The following ZNF474 variants were observed in gnomAD, a reference collection of about 807,000 sequenced individuals.
ZNF474 encodes 4933409D10Rik.
For synonymous variants in ZNF474, 192 were observed against 162.2 expected (o/e 1.18, Z -1.39); for missense variants, 511 against 433.8 (o/e 1.18, Z -1.58).
At chr5:122,140,174 C>A (rs1755801782) in intron 1 of ZNF474, among the ~76,000 whole-genome samples, 1 of 152,138 alleles carries the variant, frequency 6.6e-6, no homozygotes, top group African/African-American at 2.4e-5. Flanking sequence ...TTAATTCCAA[C>A]CAAAATTCAG....
chr5:122,151,459 T>C (rs1251587849), intron 1 of ZNF474, among the ~76,000 whole-genome samples: 1 of 152,136 alleles, frequency 6.6e-6, no homozygotes, highest in Non-Finnish European at 1.5e-5. Context: ...ACCACCCTGG[T>C]CTCAGCCTCT....
At chr5:122,135,495 A>G (rs1755678758) in intron 1 of ZNF474, among the ~76,000 whole-genome samples, 1 of 152,170 alleles carries the variant, frequency 6.6e-6, no homozygotes. Flanking sequence ...GGCAATATTG[A>G]TTGGTGGCGA....
rs758876572 is a variant in ZNF474, at chr5:122,129,701, C to T, written c.-213+18C>T. The T allele has an allele frequency of 6.6e-6, 1 of 152,252 alleles. No individual in the cohort carries two copies. Among genetic ancestry groups the T allele is most frequent in the Non-Finnish European group, 1.5e-5 (1 of 68,072 alleles). 9.4% of individuals were successfully genotyped at this position (152,252 alleles called of 1,614,324 possible). On this transcript the variant is annotated intron_variant, in intron 1 of 1. Transcript: ENST00000296600. ...ATAAAAAGGTAAAGAACAAATGTCACAAGGTGAGGCTCTCGCAGGGTGTGT... is the reference window on the plus strand; with the variant it reads ...ATAAAAAGGTAAAGAACAAATGTCATAAGGTGAGGCTCTCGCAGGGTGTGT...
chr5:122,138,111 A>T (rs139353503), intron 1 of ZNF474, among the ~76,000 whole-genome samples: 5 of 152,380 alleles, frequency 3.3e-5, no homozygotes, highest in Admixed American at 6.5e-5. Flanking sequence ...GTGAAAAATC[A>T]TGGGAAAGGA....
At chr5:122,130,092 T>C (rs1297705082) in intron 1 of ZNF474, among the ~76,000 whole-genome samples, 1 of 152,160 alleles carries the variant, frequency 6.6e-6, no homozygotes, top group African/African-American at 2.4e-5. Context: ...CAGAACTATA[T>C]GTTTATTAGC....
chr5:122,135,979 G>T (rs1755690752), intron 1 of ZNF474, among the ~76,000 whole-genome samples: 1 of 152,070 alleles, frequency 6.6e-6, no homozygotes, highest in African/African-American at 2.4e-5. Flanking sequence ...AATGATGGTT[G>T]CCAGAGCTGG....
At chr5:122,140,442 C>T (rs1755809308) in intron 1 of ZNF474, among the ~76,000 whole-genome samples, 1 of 152,160 alleles carries the variant, frequency 6.6e-6, no homozygotes, top group Non-Finnish European at 1.5e-5. Flanking sequence ...TTATTTCTTT[C>T]AACCGCATAT....
rs770123908 is a variant in ZNF474, at chr5:122,151,981, A to G, written c.-10A>G. On this transcript the variant is annotated 5_prime_UTR_variant, in exon 2 of 2. Transcript: ENST00000296600. ...ATCAGAGCAAGCACTACAGAAAGAC[A>G]TCTTTGTTAATGGAAAGAGGAAAGA... 1.2e-6 allele frequency: 2 copies of G among 1,604,396 alleles called. No individual in the cohort carries two copies. The highest frequency in any genetic ancestry group is 1.7e-5 in the Admixed American group (1 of 58,238).
At chr5:122,149,895 G>T (rs1756118607) in intron 1 of ZNF474, among the ~76,000 whole-genome samples, 1 of 150,398 alleles carries the variant, frequency 6.6e-6, no homozygotes, top group African/African-American at 2.5e-5. Context: ...CTGTGTGTGT[G>T]TGTGTGTGTG....
intron 1 of ZNF474, among the ~76,000 whole-genome samples, chr5:122,135,585 T>G (rs1284867483): frequency 6.6e-6 from 1 of 152,132 alleles, no homozygotes; most frequent in African/African-American, 2.4e-5. Context: ...GTATGGAAGT[T>G]CCTCACAAAA....
chr5:122,152,429 TC>T lies in ZNF474; in HGVS notation c.441del (p.Tyr148ThrfsTer171). On this transcript the variant is annotated frameshift_variant, in exon 2 of 2. Transcript: ENST00000296600. LOFTEE classifies it low-confidence loss of function (END_TRUNC). Reference protein sequence around the residue: ...SKPQSLSSSGSYSLQATNEAA... With the variant: ...SKPQSLSSSGXYSLQATNEAA... ...ACCACAGTCTCTCAGCAGCAGTGGG[TC>T]CTACAGTCTTCAGGCAACTAACGAG... is the stretch of plus-strand genomic sequence containing the variant. 1 of 1,614,126 alleles carries T rather than the reference TC, an allele frequency of 6.2e-7. No individual in the cohort carries two copies. Among genetic ancestry groups the T allele is most frequent in the Admixed American group, 1.7e-5 (1 of 60,016 alleles).
At chr5:122,148,808 C>T (rs1240848754) in intron 1 of ZNF474, among the ~76,000 whole-genome samples, 1 of 151,758 alleles carries the variant, frequency 6.6e-6, no homozygotes, top group Non-Finnish European at 1.5e-5. Flanking sequence ...GCGATCTTGG[C>T]TCTCTGCAAA....
chr5:122,130,916 A>G (rs1755559489), intron 1 of ZNF474, among the ~76,000 whole-genome samples: 1 of 152,068 alleles, frequency 6.6e-6, no homozygotes, highest in Non-Finnish European at 1.5e-5. Flanking sequence ...ATTCTTAATT[A>G]TAATCACAAT....
intron 1 of ZNF474, among the ~76,000 whole-genome samples, chr5:122,139,446 T>A (rs1264789576): frequency 6.6e-6 from 1 of 152,150 alleles, no homozygotes; most frequent in Non-Finnish European, 1.5e-5. Context: ...TAACTGGAAT[T>A]TTGCAGTCAA....
chr5:122,131,117 C>CA (rs1163527754), intron 1 of ZNF474, among the ~76,000 whole-genome samples: 1 of 152,064 alleles, frequency 6.6e-6, no homozygotes, highest in Non-Finnish European at 1.5e-5. Flanking sequence ...TATTACCATA[C>CA]ATTTGTGAGA....
At chr5:122,149,041 A>G (rs1351346023) in intron 1 of ZNF474, among the ~76,000 whole-genome samples, 1 of 152,120 alleles carries the variant, frequency 6.6e-6, no homozygotes, top group East Asian at 1.9e-4. Flanking sequence ...GGAAAAAGTG[A>G]TTCTTAATGC....
At chr5:122,129,951 T>A (rs1755539823) in intron 1 of ZNF474, among the ~76,000 whole-genome samples, 1 of 152,194 alleles carries the variant, frequency 6.6e-6, no homozygotes, top group Non-Finnish European at 1.5e-5. Flanking sequence ...CTTTGGATGC[T>A]GACAATGATG....
At chr5:122,141,070 G>A (rs942915203) in intron 1 of ZNF474, among the ~76,000 whole-genome samples, 2 of 150,972 alleles carry the variant, frequency 1.3e-5, no homozygotes, top group Non-Finnish European at 3.0e-5. Flanking sequence ...AAATGGAAAT[G>A]TGTTTTCAGC....
In ZNF474 at chr5:122,152,457, C is replaced by A. The variant is rs1756213015; in HGVS notation, c.467C>A (p.Ala156Asp). 1.2e-6 allele frequency: 2 copies of A among 1,614,100 alleles called. No homozygotes were observed. Among genetic ancestry groups the A allele is most frequent in the Non-Finnish European group, 1.7e-6 (2 of 1,180,040 alleles). ...TACAGTCTTCAGGCAACTAACGAGGCTGCATTTCAGAGTGCCCAGGCTCAG... is the reference window on the plus strand; with the variant it reads ...TACAGTCTTCAGGCAACTAACGAGGATGCATTTCAGAGTGCCCAGGCTCAG... ...GSYSLQATNE[A>D]AFQSAQAQLL... The change falls in exon 2 of 2, where the codon GCT becomes GAT. Residue 156 changes from alanine (A) to aspartate (D), a missense_variant. Transcript: ENST00000296600.
Sources: allele counts gnomAD v4.1 joint callset (sites outside exome capture counted in the v4.1 genomes callset), GRCh38; gene constraint gnomAD v4.1.1; transcripts MANE v1.5; gene names NCBI Gene and HGNC (gene_info 2026-07-23, HGNC 2026-07-21).